The following NCKAP1 variants were observed in gnomAD, a reference collection of about 807,000 sequenced individuals.
The protein encoded by NCKAP1 is NCK associated protein 1, also known as nck-associated protein 1.
Under a neutral mutation model 151.2 loss-of-function variants are expected in NCKAP1, and 21 were observed. The ratio of observed to expected loss-of-function variants is 0.14; its 90% CI spans 0.10 to 0.20. NCKAP1 has a LOEUF of 0.20. Among genes scored for constraint, NCKAP1 ranks in the 10% least tolerant of loss-of-function variants. NCKAP1 has a pLI of 1.00. For synonymous variants in NCKAP1, 484 were observed against 451.8 expected (o/e 1.07, Z -0.90); for missense variants, 933 against 1,352.1 (o/e 0.69, Z 4.86).
At chr2:183,001,451 C>T (rs1322955848) in intron 6 of NCKAP1, among the ~76,000 whole-genome samples, 1 of 152,078 alleles carries the variant, frequency 6.6e-6, no homozygotes, top group African/African-American at 2.4e-5. Flanking sequence ...TTTCATAAAA[C>T]CCGTCATTTT....
In NCKAP1 at chr2:183,003,227, A is replaced by T; in HGVS notation, c.312+6T>A. The stretch of plus-strand genomic sequence containing the variant: ...AGTGTTAAATATTATATATTAAAAT[A>T]CATACCTTAAATTCCATAACATCTA... On this transcript the variant is annotated splice_donor_region_variant and intron_variant, in intron 3 of 30. Coordinates refer to ENST00000361354, the MANE Select transcript of NCKAP1 (RefSeq NM_013436.5). 1 of 1,452,388 alleles carries T rather than the reference A, an allele frequency of 6.9e-7. No homozygotes were observed. The highest frequency in any genetic ancestry group is 2.0e-5 in the Admixed American group (1 of 51,154). The allele number at this position is 1,452,388 out of a possible 1,614,324, so 90.0% of individuals were successfully genotyped here.
intron 10 of NCKAP1, among the ~76,000 whole-genome samples, chr2:182,984,485 A>C (rs1263179133): frequency 4.0e-5 from 6 of 149,462 alleles, no homozygotes; most frequent in African/African-American, 1.5e-4. Context: ...TAAAGAATAC[A>C]CACCACTAGT....
chr2:183,032,531 C>T (rs1171073796), intron 1 of NCKAP1, among the ~76,000 whole-genome samples: 1 of 151,728 alleles, frequency 6.6e-6, no homozygotes, highest in African/African-American at 2.4e-5. Flanking sequence ...CAGGCAATTG[C>T]AACATAATGG....
intron 1 of NCKAP1, chr2:183,025,032 G>A (rs776971749): frequency 1.3e-5 from 20 of 1,599,180 alleles, no homozygotes; most frequent in African/African-American, 4.0e-5. Flanking sequence ...AGAAAATTAC[G>A]TGTAAACAAT....
intron 23 of NCKAP1, among the ~76,000 whole-genome samples, chr2:182,949,493 T>A (rs1414199328): frequency 6.6e-6 from 1 of 152,184 alleles, no homozygotes; most frequent in East Asian, 1.9e-4. Context: ...GAAAAGTCCT[T>A]GAATAAAACA....
chr2:182,933,629 G>A (rs368418844), intron 26 of NCKAP1, among the ~76,000 whole-genome samples: 1 of 152,008 alleles, frequency 6.6e-6, no homozygotes, highest in African/African-American at 2.4e-5. Flanking sequence ...CTGACCTCAA[G>A]TGATCCACCC....
Position 182,917,540 on chromosome 2 carries a change from C to A in NCKAP1, c.*8162G>T, listed in dbSNP as rs1696487276. ...ACAATCATTGATACATAATAGGTTG[C>A]CCATTCAAGAATTAGCTATTATCTT... On this transcript the variant is annotated 3_prime_UTR_variant, in exon 31 of 31. Transcript: ENST00000361354. 1 of 152,104 alleles carries A rather than the reference C, an allele frequency of 6.6e-6. No individual in the cohort carries two copies. The highest frequency in any genetic ancestry group is 2.4e-5 in the African/African-American group (1 of 41,418). The allele number at this position is 152,104 out of a possible 1,614,324, so 9.4% of individuals were successfully genotyped here.
In NCKAP1 at chr2:182,926,894, G is replaced by A; in HGVS notation, c.3192C>T (p.Ser1064=). ...RLKEFLALAS[S]SLLKIGQETD... is the part of the protein sequence containing the mutation. ...TCTCCTGGCCAATTTTCAGTAGACT[G>A]GAGGATGCAAGCTTAAAAGTATACA... Residue 1064 remains serine (S), a synonymous_variant, in exon 30 of 31, where the codon TCC becomes TCT. Coordinates refer to ENST00000361354, the MANE Select transcript of NCKAP1 (RefSeq NM_013436.5). 1 of 1,601,498 alleles carries A rather than the reference G, an allele frequency of 6.2e-7. No homozygotes were observed. The highest frequency in any genetic ancestry group is 8.5e-7 in the Non-Finnish European group (1 of 1,171,846).
At position 182,927,811 on chromosome 2, in the gene NCKAP1, A is replaced by T. The variant is rs562841506; in HGVS notation, c.3180+306T>A. Among the ~76,000 whole-genome samples, 4 of 152,132 alleles carry T rather than the reference A, an allele frequency of 2.6e-5. No individual in the cohort carries two copies. The East Asian group carries it at 7.7e-4, about 29-fold the overall frequency. ...GCAGTCCAAACATCAGCTTGGGGAA[A>T]AAAGGTCATATTGCAGAGCTCTAGA... On this transcript the variant is annotated intron_variant, in intron 29 of 30. Transcript: ENST00000361354.
Position 182,983,401 on chromosome 2 carries a change from T to C in NCKAP1, c.1005-19A>G, listed in dbSNP as rs766959666. On this transcript the variant is annotated intron_variant, in intron 10 of 30. Coordinates refer to ENST00000361354, the MANE Select transcript of NCKAP1 (RefSeq NM_013436.5). Reference sequence around the variant, plus strand: ...TGAACCACTATGGGGAAAGACACCATAATAGTTTATCTGCTTCTACTAAAA... The same window carrying C: ...TGAACCACTATGGGGAAAGACACCACAATAGTTTATCTGCTTCTACTAAAA... The C allele has an allele frequency of 2.0e-6, 3 of 1,523,764 alleles. No individual in the cohort carries two copies. The highest frequency in any genetic ancestry group is 1.1e-5 in the South Asian group (1 of 87,146). The allele number at this position is 1,523,764 out of a possible 1,614,324, so 94.4% of individuals were successfully genotyped here.
At chr2:182,970,495 T>C (rs765415081) in intron 15 of NCKAP1, among the ~76,000 whole-genome samples, 4 of 152,158 alleles carry the variant, frequency 2.6e-5, no homozygotes, top group Non-Finnish European at 4.4e-5. Context: ...GAAAATGCAT[T>C]CAATAAAATT....
chr2:183,023,802 T>G lies in NCKAP1; in HGVS notation c.219+4A>C. On this transcript the variant is annotated splice_donor_region_variant and intron_variant, in intron 2 of 30. Transcript: ENST00000361354. ...TAAGCAATAGAAAAATTTAGATAAC[T>G]TACATTGTTGTTGCGGGTTTCTACA... 6.3e-7 allele frequency: 1 copy of G among 1,599,036 alleles called. No individual in the cohort carries two copies. The highest frequency in any genetic ancestry group is 1.1e-5 in the South Asian group (1 of 90,466).
chr2:182,981,226 G>C lies in NCKAP1; in HGVS notation c.1341+18C>G. On this transcript the variant is annotated intron_variant, in intron 13 of 30. Coordinates refer to ENST00000361354, the MANE Select transcript of NCKAP1 (RefSeq NM_013436.5). Reference sequence around the variant, plus strand: ...GGAAGGAAGGAACAAAAGGGAAATAGTATGAGATAGTTTTTACCTGCACGA... The same window carrying C: ...GGAAGGAAGGAACAAAAGGGAAATACTATGAGATAGTTTTTACCTGCACGA... The C allele has an allele frequency of 6.2e-7, 1 of 1,610,260 alleles. No individual in the cohort carries two copies. Among genetic ancestry groups the C allele is most frequent in the Non-Finnish European group, 8.5e-7 (1 of 1,178,202 alleles).
intron 1 of NCKAP1, among the ~76,000 whole-genome samples, 154 bp downstream of exon 1, chr2:183,037,838 G>A (rs1012759417): frequency 6.6e-6 from 1 of 151,930 alleles, no homozygotes; most frequent in Non-Finnish European, 1.5e-5. Context: ...ATTAGGCCGC[G>A]GCGCATCCAG....
intron 27 of NCKAP1, among the ~76,000 whole-genome samples, chr2:182,930,141 T>C (rs114372940): frequency 0.013 from 1,940 of 152,088 alleles, 27 homozygotes; most frequent in Non-Finnish European, 0.022. Flanking sequence ...TGCTTCCCTT[T>C]ACAATAGAAC....
intron 1 of NCKAP1, among the ~76,000 whole-genome samples, chr2:183,037,413 G>C (rs1304025453): frequency 1.3e-5 from 2 of 152,078 alleles, no homozygotes; most frequent in African/African-American, 4.8e-5. Context: ...CCTTCAAAAT[G>C]AAATAATCCC....
chr2:183,020,864 G>C (rs1698785639), intron 2 of NCKAP1, among the ~76,000 whole-genome samples: 1 of 152,054 alleles, frequency 6.6e-6, no homozygotes, highest in Non-Finnish European at 1.5e-5. Context: ...ATCCAAGCTA[G>C]CTAGGAACTT....
chr2:183,006,357 A>G (rs1426683664), intron 2 of NCKAP1, among the ~76,000 whole-genome samples: 1 of 152,260 alleles, frequency 6.6e-6, no homozygotes, highest in Non-Finnish European at 1.5e-5. Context: ...TATTAAGTGA[A>G]TAACAAAGGA....
chr2:182,993,307 T>C (rs919779289), intron 8 of NCKAP1, among the ~76,000 whole-genome samples: 1 of 152,236 alleles, frequency 6.6e-6, no homozygotes, highest in Non-Finnish European at 1.5e-5. Flanking sequence ...TTTTTTCCCG[T>C]ATTTTAATTG....
Sources: allele counts gnomAD v4.1 joint callset (sites outside exome capture counted in the v4.1 genomes callset), GRCh38; gene constraint gnomAD v4.1.1; transcripts MANE v1.5; gene names NCBI Gene and HGNC (gene_info 2026-07-23, HGNC 2026-07-21).